Variants in PDE4DIP observed in about 807,000 individuals in gnomAD.
PDE4DIP encodes myomegalin.
PDE4DIP carries 59 observed loss-of-function variants against 221.4 expected under a neutral mutation model. That is an observed-to-expected ratio of 0.27 (90% CI 0.22 to 0.33). The LOEUF is 0.33. Ranked by LOEUF, PDE4DIP falls within the 10% of genes least tolerant of loss-of-function variation. The pLI is 1.00. For synonymous variants in PDE4DIP, 404 were observed against 815.9 expected (o/e 0.50, Z 8.60); for missense variants, 1,036 against 2,154.2 (o/e 0.48, Z 10.28).
chr1:149,020,807 G>A lies in PDE4DIP; in HGVS notation c.5961-222G>A, dbSNP rs1242617175. On this transcript the variant is annotated intron_variant, in intron 36 of 43. Transcript: ENST00000369354. ...TCTGAACTAATGTAGGTAATGGTGTGTTTTCAAGCAAAGTTACTTGACCTC... is the reference window on the plus strand; with the variant it reads ...TCTGAACTAATGTAGGTAATGGTGTATTTTCAAGCAAAGTTACTTGACCTC... 1.1e-5 allele frequency: 6 copies of A among 551,814 alleles called. No individual in the cohort carries two copies. In the African/African-American group the frequency reaches 1.1e-4, roughly 10 times the overall value. The allele number at this position is 551,814 out of a possible 1,614,324, so 34.2% of individuals were successfully genotyped here.
chr1:148,919,835 A>T (rs6691496), intron 1 of PDE4DIP, among the ~76,000 whole-genome samples: 7 of 149,490 alleles, frequency 4.7e-5, no homozygotes, highest in Admixed American at 2.0e-4. Flanking sequence ...ATTGATTAGG[A>T]TGGGATTTGG....
At chr1:148,997,016 C>T (rs1371907817) in intron 22 of PDE4DIP, among the ~76,000 whole-genome samples, 3 of 152,384 alleles carry the variant, frequency 2.0e-5, no homozygotes, top group African/African-American at 7.2e-5. Context: ...GACTCAGCAA[C>T]AGCTGTGGGG....
intron 21 of PDE4DIP, chr1:148,986,078 G>T (rs1337819822): frequency 1.3e-5 from 2 of 152,098 alleles, no homozygotes; most frequent in African/African-American, 4.8e-5. Flanking sequence ...AACTTTTGTG[G>T]GTTGTTAAGA....
chr1:148,890,592 T>TA (rs1698168841), intron 1 of PDE4DIP, among the ~76,000 whole-genome samples: 1 of 117,228 alleles, frequency 8.5e-6, no homozygotes. Flanking sequence ...CATCTCTACT[T>TA]AAAAAGTACA....
intron 1 of PDE4DIP, among the ~76,000 whole-genome samples, chr1:148,815,539 C>T (rs1667537003): frequency 1.4e-5 from 1 of 70,158 alleles, no homozygotes; most frequent in Admixed American, 1.5e-4. Flanking sequence ...CACAGCAAGA[C>T]TCTGTCTCAA....
intron 23 of PDE4DIP, among the ~76,000 whole-genome samples, chr1:148,999,353 A>C (rs1559231678): frequency 6.6e-6 from 1 of 152,206 alleles, no homozygotes; most frequent in Non-Finnish European, 1.5e-5. Flanking sequence ...CCTGCATGTT[A>C]CATACCACTT....
At chr1:148,950,458 A>G (rs2052886285) in intron 5 of PDE4DIP, among the ~76,000 whole-genome samples, 1 of 152,306 alleles carries the variant, frequency 6.6e-6, no homozygotes, top group Non-Finnish European at 1.5e-5. Context: ...TCTATAGCCT[A>G]TGATATTAGG....
chr1:148,992,076 C>A (rs587641876), intron 22 of PDE4DIP, 103 bp downstream of exon 25: 10 of 829,530 alleles, frequency 1.2e-5, no homozygotes, highest in Admixed American at 8.2e-5. Flanking sequence ...GAGAAGATAT[C>A]TTTTTACATA....
At chr1:148,989,093 TG>T (rs1553553697) in intron 21 of PDE4DIP, 1 of 215,216 alleles carries the variant, frequency 4.6e-6, no homozygotes, top group African/African-American at 2.4e-5. Context: ...TTTAAAAAAA[TG>T]GAAAATGGTA....
intron 21 of PDE4DIP, among the ~76,000 whole-genome samples, chr1:148,989,556 C>A (rs2062597218): frequency 6.6e-6 from 1 of 152,228 alleles, no homozygotes; most frequent in Non-Finnish European, 1.5e-5. Context: ...GCTTCTGGAA[C>A]CTGGCAGGAA....
At chr1:149,021,705 G>C (rs1212201541) in intron 37 of PDE4DIP, 3 of 149,274 alleles carry the variant, frequency 2.0e-5, no homozygotes, top group African/African-American at 7.4e-5. Flanking sequence ...GTCATGGTGA[G>C]TGTTGAGTCA....
intron 1 of PDE4DIP, among the ~76,000 whole-genome samples, chr1:148,815,154 GAAGA>G (rs1173385000): frequency 8.6e-6 from 1 of 116,702 alleles, no homozygotes; most frequent in Non-Finnish European, 1.8e-5. Flanking sequence ...AAAGTAGAAA[GAAGA>G]GACAAAGATC....
At chr1:149,013,007 G>T (rs1212871631) in intron 32 of PDE4DIP, among the ~76,000 whole-genome samples, 13 of 151,912 alleles carry the variant, frequency 8.6e-5, no homozygotes, top group African/African-American at 3.1e-4. Flanking sequence ...CTCTAGACCT[G>T]GTGCTCTCAC....
At chr1:148,984,692 C>G (rs1343157135) in intron 21 of PDE4DIP, 1 of 152,018 alleles carries the variant, frequency 6.6e-6, no homozygotes, top group Non-Finnish European at 1.5e-5. Flanking sequence ...AAAGGAGTAG[C>G]AGATCACATT....
intron 21 of PDE4DIP, chr1:148,985,765 T>A (rs782143714): frequency 4.6e-5 from 7 of 152,200 alleles, no homozygotes; most frequent in Admixed American, 1.3e-4. Context: ...ATCATACTGT[T>A]TTCCTCTTAC....
At position 148,950,947 on chromosome 1, in the gene PDE4DIP, AG is replaced by A. The variant is rs1244126333; in HGVS notation, c.637-9704del. Among the ~76,000 whole-genome samples, 255 of 146,506 alleles carry A rather than the reference AG, an allele frequency of 1.7e-3. 2 individuals carry two copies. The highest frequency in any genetic ancestry group is 0.017 in the Middle Eastern group (5 of 290). ...GAGAACAATACAATCTTATGTAGGC[AG>A]GGCCCCATAATGTTTTAAAGTTACT... On this transcript the variant is annotated intron_variant, in intron 5 of 43. Transcript: ENST00000369354.
intron 16 of PDE4DIP, among the ~76,000 whole-genome samples, chr1:148,973,177 C>CTT (rs781813705): frequency 7.4e-6 from 1 of 134,332 alleles, no homozygotes. Flanking sequence ...CTTCTAGGAC[C>CTT]TTTTTTTTTT....
At chr1:148,927,252 A>T (rs2046921312) in intron 1 of PDE4DIP, among the ~76,000 whole-genome samples, 1 of 152,114 alleles carries the variant, frequency 6.6e-6, no homozygotes, top group Admixed American at 6.5e-5. Flanking sequence ...AGAAATTAGG[A>T]TATTTTCATC....
intron 4 of PDE4DIP, 91 bp from the exon 8 acceptor site, chr1:148,937,656 T>C: frequency 1.5e-6 from 1 of 674,192 alleles, no homozygotes; most frequent in Non-Finnish European, 2.7e-6. Flanking sequence ...CCTGCTATAC[T>C]AGACCATGCT....
Sources: gnomAD v4.1 joint callset for allele counts (sites outside exome capture counted in the v4.1 genomes callset) on GRCh38, gnomAD v4.1.1 for gene constraint, MANE v1.5 for transcripts, NCBI Gene and HGNC (gene_info 2026-07-23, HGNC 2026-07-21) for gene names.